The following ABCB5 variants were observed in gnomAD, a reference collection of about 807,000 sequenced individuals.
ABCB5 encodes the protein ATP-binding cassette sub-family B member 5.
Under a neutral mutation model 144.2 loss-of-function variants are expected in ABCB5, and 155 were observed. That is an observed-to-expected ratio of 1.08 (90% CI 0.94 to 1.23). The LOEUF (loss-of-function observed/expected upper bound fraction) is 1.23. ABCB5 is among the 50% of genes most tolerant of loss of function. The pLI is 0.00. For missense variants in ABCB5, 1,830 were observed against 1,520.8 expected (o/e 1.20, Z -3.38); for synonymous variants, 610 against 528.6 (o/e 1.15, Z -2.11).
Position 20,651,564 on chromosome 7 carries a change from G to A in ABCB5, c.1477G>A (p.Glu493Lys), listed in dbSNP as rs894069769. 6.2e-7 allele frequency: 1 copy of A among 1,614,106 alleles called. No individual in the cohort carries two copies. The highest frequency in any genetic ancestry group is 1.7e-5 in the Admixed American group (1 of 60,010). The change falls in exon 13 of 28, where the codon GAG (glutamate) becomes AAG (lysine). Residue 493 changes from glutamate (E) to lysine (K), a missense_variant. By Grantham distance (56) the Glu-to-Lys change is moderately conservative. Transcript: ENST00000404938. ...KYGRDDVTDE[E>K]MERAAREANA... ...TGGACGAGATGATGTGACTGATGAA[G>A]AGATGGAGAGAGCAGCAAGGGAAGC... is the stretch of plus-strand genomic sequence containing the variant.
intron 20 of ABCB5, among the ~76,000 whole-genome samples, chr7:20,706,296 T>A (rs910028768): frequency 6.6e-6 from 1 of 152,224 alleles, no homozygotes; most frequent in African/African-American, 2.4e-5. Context: ...ACTGTGTTAA[T>A]GTTTGTCTCT....
chr7:20,734,780 A>G (rs1413686254), intron 23 of ABCB5, among the ~76,000 whole-genome samples: 1 of 152,178 alleles, frequency 6.6e-6, no homozygotes, highest in East Asian at 1.9e-4. Flanking sequence ...CTTACAGACA[A>G]GGCATAGGGG....
chr7:20,665,945 G>A (rs765337919), intron 14 of ABCB5, among the ~76,000 whole-genome samples: 9 of 151,794 alleles, frequency 5.9e-5, no homozygotes, highest in Non-Finnish European at 1.0e-4. Context: ...AGAGACAGGC[G>A]GATCACCTAA....
intron 1 of ABCB5, among the ~76,000 whole-genome samples, chr7:20,618,093 C>A (rs1783726852): frequency 6.6e-6 from 1 of 152,170 alleles, no homozygotes; most frequent in Admixed American, 6.5e-5. Context: ...TTAAGATGTA[C>A]AATTCAAAAG....
At chr7:20,656,833 A>G (rs1784809037) in intron 13 of ABCB5, among the ~76,000 whole-genome samples, 1 of 152,166 alleles carries the variant, frequency 6.6e-6, no homozygotes, top group African/African-American at 2.4e-5. Context: ...ATAATAGCCA[A>G]AAATAGGAAA....
At chr7:20,630,483 C>T (rs1415684824) in intron 4 of ABCB5, among the ~76,000 whole-genome samples, 2 of 152,008 alleles carry the variant, frequency 1.3e-5, no homozygotes, top group Non-Finnish European at 2.9e-5. Flanking sequence ...AAACCCATTG[C>T]TTCCATCTCT....
chr7:20,742,846 T>A, intron 24 of ABCB5, 31 bp from the exon 25 acceptor site: 1 of 1,609,710 alleles, frequency 6.2e-7, no homozygotes, highest in East Asian at 2.2e-5. Flanking sequence ...CCCAAGTCAT[T>A]CTTCTCAACT....
Position 20,756,506 on chromosome 7 carries a change from G to C in ABCB5, c.*882G>C, listed in dbSNP as rs1325852180. 6.6e-6 allele frequency: 1 copy of C among 152,174 alleles called. No homozygotes were observed. The highest frequency in any genetic ancestry group is 2.4e-5 in the African/African-American group (1 of 41,410). The allele number at this position is 152,174 out of a possible 1,614,324, so 9.4% of individuals were successfully genotyped here. Reference sequence around the variant, plus strand: ...AAAAACACAAAAATTAGCCAATCTTGGTGGCGGGCACCTGGAATCCCAGCT... The same window carrying C: ...AAAAACACAAAAATTAGCCAATCTTCGTGGCGGGCACCTGGAATCCCAGCT... On this transcript the variant is annotated 3_prime_UTR_variant, in exon 28 of 28. Transcript: ENST00000404938.
intron 26 of ABCB5, among the ~76,000 whole-genome samples, chr7:20,746,930 T>C (rs1456956260): frequency 6.6e-6 from 1 of 152,202 alleles, no homozygotes; most frequent in Non-Finnish European, 1.5e-5. Context: ...AAACAACTAA[T>C]AATCTAGAGC....
rs961857469 is a variant in ABCB5 at position 20,660,439 on chromosome 7, G to C, written c.1707+1763G>C. On this transcript the variant is annotated intron_variant, in intron 14 of 27. Transcript: ENST00000404938. ...TATGGTTTGCTGGGTCAGGATAAAGGGTAACCAATAGGATGAAAAGTAGCA... is the reference window on the plus strand; with the variant it reads ...TATGGTTTGCTGGGTCAGGATAAAGCGTAACCAATAGGATGAAAAGTAGCA... The C allele has an allele frequency of 1.3e-5, 13 of 976,542 alleles. No individual in the cohort carries two copies. In the East Asian group the frequency reaches 4.5e-4, roughly 34 times the overall value. 60.5% of individuals were successfully genotyped at this position (976,542 alleles called of 1,614,324 possible).
At chr7:20,679,203 C>G (rs1257353247) in intron 14 of ABCB5, among the ~76,000 whole-genome samples, 2 of 152,016 alleles carry the variant, frequency 1.3e-5, no homozygotes, top group Non-Finnish European at 2.9e-5. Context: ...CACGGTGGTT[C>G]ACGCCTGTAA....
chr7:20,742,185 G>A (rs1011353040), intron 24 of ABCB5, among the ~76,000 whole-genome samples: 5 of 151,950 alleles, frequency 3.3e-5, no homozygotes, highest in East Asian at 1.9e-4. Flanking sequence ...ACCAGCCTGG[G>A]CAACATAGTG....
intron 23 of ABCB5, among the ~76,000 whole-genome samples, chr7:20,729,524 T>C (rs1466576482): frequency 1.3e-5 from 2 of 152,206 alleles, no homozygotes; most frequent in Non-Finnish European, 2.9e-5. Flanking sequence ...AGCTCCTATT[T>C]TGAAGTTCTG....
At chr7:20,623,716 C>T (rs939025592) in intron 2 of ABCB5, among the ~76,000 whole-genome samples, 1 of 152,008 alleles carries the variant, frequency 6.6e-6, no homozygotes, top group Non-Finnish European at 1.5e-5. Context: ...TATTCGATTC[C>T]GATTATTTTC....
intron 14 of ABCB5, among the ~76,000 whole-genome samples, chr7:20,675,120 T>G (rs1300675204): frequency 1.3e-5 from 2 of 151,944 alleles, no homozygotes. Context: ...CCCAATGGCA[T>G]ATTTTACAGA....
intron 23 of ABCB5, among the ~76,000 whole-genome samples, chr7:20,731,355 G>GAA (rs869149519): frequency 1.0e-4 from 13 of 127,858 alleles, no homozygotes; most frequent in African/African-American, 2.7e-4. Flanking sequence ...TCCAACTCAG[G>GAA]AAAAAAAAAA....
chr7:20,745,020 C>A (rs2128055894), intron 25 of ABCB5, among the ~76,000 whole-genome samples: 1 of 152,302 alleles, frequency 6.6e-6, no homozygotes, highest in South Asian at 2.1e-4. Context: ...AAAGTCAGGT[C>A]CTGTTACAGT....
chr7:20,743,150 C>A, intron 25 of ABCB5, 76 bp downstream of exon 25: 2 of 1,492,044 alleles, frequency 1.3e-6, no homozygotes, highest in Non-Finnish European at 1.8e-6. Context: ...GCTTAAGCAT[C>A]CCCACTGGTT....
At chr7:20,668,808 A>T (rs1785334010) in intron 14 of ABCB5, among the ~76,000 whole-genome samples, 1 of 109,490 alleles carries the variant, frequency 9.1e-6, no homozygotes, top group Admixed American at 8.9e-5. Context: ...GGAAGTGAGG[A>T]GCCCCTCTGC....
Sources: allele counts gnomAD v4.1 joint callset (sites outside exome capture counted in the v4.1 genomes callset), GRCh38; gene constraint gnomAD v4.1.1; transcripts MANE v1.5; gene names NCBI Gene and HGNC (gene_info 2026-07-23, HGNC 2026-07-21).